The following SAMD4B variants were observed in gnomAD, a reference collection of about 807,000 sequenced individuals.
The protein encoded by SAMD4B is sterile alpha motif domain containing 4B, also known as protein Smaug homolog 2.
In SAMD4B, 5 loss-of-function variants were observed where a neutral mutation model predicts 74.5. The observed-to-expected ratio is 0.07, with a 90% CI of 0.04 to 0.14. The LOEUF is 0.14. Among genes scored for constraint, SAMD4B ranks in the 10% least tolerant of loss-of-function variants. The probability of loss-of-function intolerance (pLI) is 1.00; values close to 1 mark genes in which losing one functional copy is unlikely to be tolerated. For missense variants in SAMD4B, 608 were observed against 921.8 expected, an observed-to-expected ratio of 0.66 and a Z score of 4.41; for synonymous variants, 373 against 374.9, an observed-to-expected ratio of 1.00 and a Z score of 0.06.
At chr19:39,389,619 CCTCCCTGT>C (rs1228103569), downstream of SAMD4B, 3 of 1,614,038 alleles carry the variant, frequency 1.9e-6, no homozygotes, top group Non-Finnish European at 2.5e-6. This position sits in a 1 kb window ranked among gnomAD's most constrained non-coding sequence, Gnocchi z 5.3. Context: ...TAGAGCAGAC[CCTCCCTGT>C]CTCCCCACAC....
intron 3 of SAMD4B, among the ~76,000 whole-genome samples, chr19:39,360,850 G>A (rs147986432): frequency 3.3e-5 from 5 of 152,272 alleles, no homozygotes; most frequent in Non-Finnish European, 5.9e-5. Flanking sequence ...GCCCCCCATA[G>A]ACCTACTAAA....
rs2077522907 is a variant in SAMD4B, at chr19:39,375,062, G to A, written c.668-588G>A. 6.6e-6 allele frequency among the ~76,000 whole-genome samples: 1 copy of A among 152,102 alleles called. No homozygotes were observed. The highest frequency in any genetic ancestry group is 1.5e-5 in the Non-Finnish European group (1 of 68,024). The stretch of plus-strand genomic sequence containing the variant: ...ACCGCTGAGATCAAGAAGGTAGGAA[G>A]AAAGAGCAAGTCCAGAAGTCCTGAG... On this transcript the variant is annotated intron_variant, in intron 4 of 13. Transcript: ENST00000610417. This position sits in a 1 kb window ranked among gnomAD's most constrained non-coding sequence, Gnocchi z 4.1.
At chr19:39,376,881 C>A in intron 7 of SAMD4B, 90 bp downstream of exon 7, 1 of 1,071,110 alleles carries the variant, frequency 9.3e-7, no homozygotes, top group Non-Finnish European at 1.4e-6. Context: ...CCAGACTCCT[C>A]GGATGTGGCC....
chr19:39,343,468 C>T (rs142694049), intron 1 of SAMD4B, among the ~76,000 whole-genome samples: 6 of 150,498 alleles, frequency 4.0e-5, no homozygotes, highest in African/African-American at 1.2e-4. Context: ...AGACTCCATC[C>T]CCCTCCCCAC....
intron 3 of SAMD4B, among the ~76,000 whole-genome samples, chr19:39,365,115 G>A (rs1047432289): frequency 1.3e-5 from 2 of 151,756 alleles, no homozygotes; most frequent in Non-Finnish European, 2.9e-5. Context: ...GTGTGGTGGC[G>A]GGCGTGTGTA....
chr19:39,366,059 A>G (rs1175158821), intron 3 of SAMD4B, among the ~76,000 whole-genome samples: 1 of 152,102 alleles, frequency 6.6e-6, no homozygotes, highest in Non-Finnish European at 1.5e-5. Flanking sequence ...GCTAACGCCT[A>G]TAATCCCAGC....
chr19:39,382,307 C>T (rs56867744), intron 12 of SAMD4B, among the ~76,000 whole-genome samples: 7,845 of 152,256 alleles, frequency 0.052, 332 homozygotes, highest in African/African-American at 0.12. Flanking sequence ...TCTTTACCAG[C>T]ATGCTGTGTC....
chr19:39,342,774 C>T (rs1420784576), intron 1 of SAMD4B, among the ~76,000 whole-genome samples, 198 bp downstream of exon 1: 1 of 151,646 alleles, frequency 6.6e-6, no homozygotes, highest in East Asian at 1.9e-4. Flanking sequence ...TCCCCAGTCT[C>T]CCTCCTGGGC....
Position 39,375,749 on chromosome 19 carries a change from T to C in SAMD4B, c.767T>C (p.Leu256Pro), listed in dbSNP as rs1459528098. The change falls in exon 5 of 14, where the codon CTT becomes CCT. Residue 256 changes from leucine (L) to proline (P), a missense_variant. Coordinates refer to ENST00000610417, the MANE Select transcript of SAMD4B (RefSeq NM_001384574.2). This position sits in a 1 kb window ranked among gnomAD's most constrained non-coding sequence, Gnocchi z 4.1. ...VPGEWPSPEE[L>P]GARAAFTTPD... is the part of the protein sequence containing the mutation. ...GGTGAGTGGCCGAGTCCAGAGGAGC[T>C]TGGGGCCCGGGCTGCTTTTACCACG... 1 of 1,614,148 alleles carries C rather than the reference T, an allele frequency of 6.2e-7. No homozygotes were observed. The highest frequency in any genetic ancestry group is 8.5e-7 in the Non-Finnish European group (1 of 1,180,028).
chr19:39,349,762 T>C (rs1303914862), intron 1 of SAMD4B: 2 of 152,220 alleles, frequency 1.3e-5, no homozygotes, highest in Non-Finnish European at 2.9e-5. Context: ...CCCTTATTCA[T>C]CCAGAGATGT....
At chr19:39,382,937 CTG>C (rs3837978) in intron 12 of SAMD4B, among the ~76,000 whole-genome samples, 4,967 of 152,190 alleles carry the variant, frequency 0.033, 206 homozygotes, top group African/African-American at 0.094. Flanking sequence ...TCACAGCAGG[CTG>C]TGTGTGGCCT....
Position 39,380,025 on chromosome 19 carries a change from C to T in SAMD4B, c.1590C>T (p.Leu530=), listed in dbSNP as rs267605472. 2.6e-5 allele frequency: 42 copies of T among 1,613,852 alleles called. No homozygotes were observed. The highest frequency in any genetic ancestry group is 3.4e-5 in the Non-Finnish European group (40 of 1,179,946). The part of the protein sequence containing the change: ...LLSWKQQVLK[L]LRTFPRKAAL... ...CCTGGAAACAGCAAGTGCTGAAGCTCCTCCGGACATTCCCGCGCAAAGCCG... is the reference window on the plus strand; with the variant it reads ...CCTGGAAACAGCAAGTGCTGAAGCTTCTCCGGACATTCCCGCGCAAAGCCG... The change falls in exon 10 of 14, where the codon CTC becomes CTT. Residue 530 remains leucine, a synonymous_variant. Coordinates refer to ENST00000610417, the MANE Select transcript of SAMD4B (RefSeq NM_001384574.2).
At chr19:39,390,712 G>T in the SAMD4B span, 2 of 1,208,314 alleles carry the variant, frequency 1.7e-6, no homozygotes, top group Non-Finnish European at 2.4e-6. Flanking sequence ...CGTCAAAGGT[G>T]AGCGCTTCAT....
At chr19:39,347,515 T>G (rs1691526444) in intron 1 of SAMD4B, among the ~76,000 whole-genome samples, 1 of 152,146 alleles carries the variant, frequency 6.6e-6, no homozygotes, top group Admixed American at 6.6e-5. Context: ...TGTGATTGTT[T>G]GGGTCTAGAG....
intron 1 of SAMD4B, among the ~76,000 whole-genome samples, chr19:39,345,797 T>TC (rs1479396209): frequency 6.6e-6 from 1 of 152,204 alleles, no homozygotes; most frequent in Non-Finnish European, 1.5e-5. Context: ...GCCAGAAATC[T>TC]CCAAGTTCCT....
At chr19:39,363,298 G>A (rs142310116) in intron 3 of SAMD4B, among the ~76,000 whole-genome samples, 172 of 152,254 alleles carry the variant, frequency 1.1e-3, no homozygotes, top group African/African-American at 3.7e-3. Context: ...AGAAGCAGCC[G>A]TTGGTGTCTT....
chr19:39,375,971 C>T lies in SAMD4B; in HGVS notation c.907+82C>T, dbSNP rs943293795. Reference sequence around the variant, plus strand: ...AGGACAGAAAGGAGCTTGTAGCTGACACCTGCTTACCCCTCTGAGGAGGGG... The same window carrying T: ...AGGACAGAAAGGAGCTTGTAGCTGATACCTGCTTACCCCTCTGAGGAGGGG... On this transcript the variant is annotated intron_variant, in intron 5 of 13. Coordinates refer to ENST00000610417, the MANE Select transcript of SAMD4B (RefSeq NM_001384574.2). This position sits in a 1 kb window ranked among gnomAD's most constrained non-coding sequence, Gnocchi z 4.1. The T allele has an allele frequency of 5.2e-6, 8 of 1,532,452 alleles. No individual in the cohort carries two copies. The African/African-American group carries it at 5.5e-5, about 11-fold the overall frequency. 94.9% of individuals were successfully genotyped at this position (1,532,452 alleles called of 1,614,324 possible).
At chr19:39,368,473 A>C (rs1388877605) in intron 3 of SAMD4B, among the ~76,000 whole-genome samples, 4 of 152,252 alleles carry the variant, frequency 2.6e-5, no homozygotes, top group African/African-American at 9.6e-5. Flanking sequence ...CCCAAGGAAG[A>C]TGGGGAGATA....
chr19:39,362,772 C>T (rs2076730917), intron 3 of SAMD4B, among the ~76,000 whole-genome samples: 1 of 152,044 alleles, frequency 6.6e-6, no homozygotes, highest in South Asian at 2.1e-4. Context: ...GGAGACATTT[C>T]CTGCATTTTC....
Sources: allele counts gnomAD v4.1 joint callset (sites outside exome capture counted in the v4.1 genomes callset), GRCh38; gene constraint gnomAD v4.1.1; non-coding constraint Gnocchi (gnomAD v3.1); transcripts MANE v1.5; gene names NCBI Gene and HGNC (gene_info 2026-07-23, HGNC 2026-07-21).